ABTB2: variants seen among roughly 807,000 people sequenced by gnomAD.
ABTB2 encodes ankyrin repeat and BTB domain containing 2.
In ABTB2, 56 loss-of-function variants were observed where a neutral mutation model predicts 104.1. The ratio of observed to expected loss-of-function variants is 0.54; its 90% confidence interval spans 0.43 to 0.67. The LOEUF (loss-of-function observed/expected upper bound fraction) is 0.67. Ranked by LOEUF, ABTB2 falls within the 30% of genes least tolerant of loss-of-function variation. The probability of loss-of-function intolerance (pLI) is 0.00; values close to 1 mark genes in which losing one functional copy is unlikely to be tolerated. For synonymous variants in ABTB2, 606 were observed against 608.2 expected, an observed-to-expected ratio of 1.00 and a Z score of 0.05; for missense variants, 1,279 against 1,407.7, an observed-to-expected ratio of 0.91 and a Z score of 1.46.
rs1852537222 is a variant in ABTB2 at position 34,151,462 on chromosome 11, C to G, written c.*925G>C. Reference sequence around the variant, plus strand: ...ACAGTCCCCAGTGGGACCTGTTTGCCCAGCTCTCAATCCTACATTAAAGGA... The same window carrying G: ...ACAGTCCCCAGTGGGACCTGTTTGCGCAGCTCTCAATCCTACATTAAAGGA... On this transcript the variant is annotated 3_prime_UTR_variant, in exon 17 of 17. Coordinates refer to ENST00000435224, the MANE Select transcript of ABTB2 (RefSeq NM_145804.3). 1 of 152,242 alleles carries G rather than the reference C, an allele frequency of 6.6e-6. No homozygotes were observed. Among genetic ancestry groups the G allele is most frequent in the Non-Finnish European group, 1.5e-5 (1 of 68,054 alleles). The allele number at this position is 152,242 out of a possible 1,614,324, so 9.4% of individuals were successfully genotyped here.
chr11:34,266,176 G>A (rs1257783438), intron 1 of ABTB2, among the ~76,000 whole-genome samples: 1 of 152,150 alleles, frequency 6.6e-6, no homozygotes, highest in Non-Finnish European at 1.5e-5. Flanking sequence ...TCAAACTCCT[G>A]CACTCAAGCA....
intron 1 of ABTB2, among the ~76,000 whole-genome samples, chr11:34,304,272 G>C (rs1440890886): frequency 6.6e-6 from 1 of 152,154 alleles, no homozygotes; most frequent in East Asian, 1.9e-4. Flanking sequence ...TATTCTTTTT[G>C]TCTTTATTTT....
rs1285900964 is a variant in ABTB2, at chr11:34,165,465, C to G, written c.1756-109G>C. ...CCTTTGCTTCTCTCCAGGCATGTGA[C>G]CAAGACACAGTTCACCCCAGCAGCT... On this transcript the variant is annotated intron_variant, in intron 7 of 16. Coordinates refer to ENST00000435224, the MANE Select transcript of ABTB2 (RefSeq NM_145804.3). 5 of 833,342 alleles carry G rather than the reference C, an allele frequency of 6.0e-6. No homozygotes were observed. In the South Asian group the frequency reaches 8.8e-5, roughly 15 times the overall value. 51.6% of individuals were successfully genotyped at this position (833,342 alleles called of 1,614,324 possible). A position where few individuals can be genotyped will look rare whatever the true frequency, so the allele number is the denominator to read the frequency against.
chr11:34,209,360 T>TC lies in ABTB2; in HGVS notation c.884-4671_884-4670insG, dbSNP rs1853447924. Among the ~76,000 whole-genome samples the TC allele has an allele frequency of 2.7e-5, 4 of 149,850 alleles. No homozygotes were observed. In the South Asian group the frequency reaches 8.5e-4, roughly 32 times the overall value. On this transcript the variant is annotated intron_variant, in intron 1 of 16. Transcript: ENST00000435224. ...CTGTCTCCAAAAAAAAACTTTTTTT[T>TC]TCCCCCAGAAAAGAGAATAGATAAC...
At chr11:34,180,614 A>T (rs1037095665) in intron 3 of ABTB2, among the ~76,000 whole-genome samples, 2 of 152,262 alleles carry the variant, frequency 1.3e-5, no homozygotes, top group Non-Finnish European at 1.5e-5. Context: ...GGGTCTTTTT[A>T]TATGAGAAGC....
rs183792879 is a variant in ABTB2, at chr11:34,322,231, G to C, written c.883+34470C>G. On this transcript the variant is annotated intron_variant, in intron 1 of 16. Transcript: ENST00000435224. ...TAACTAGATGCAATACACAGACCTT[G>C]TTTAGAATCTGATTCAAACTAATTT... Among the ~76,000 whole-genome samples the C allele has an allele frequency of 3.9e-5, 6 of 152,288 alleles. No individual in the cohort carries two copies. The East Asian group carries it at 1.2e-3, about 29-fold the overall frequency.
intron 1 of ABTB2, among the ~76,000 whole-genome samples, chr11:34,349,216 G>T (rs779838724): frequency 3.3e-5 from 5 of 152,166 alleles, no homozygotes; most frequent in Non-Finnish European, 5.9e-5. Flanking sequence ...CACAAGCAGG[G>T]TCCAATATCC....
chr11:34,284,157 G>T (rs1243450912), intron 1 of ABTB2, among the ~76,000 whole-genome samples: 6 of 152,234 alleles, frequency 3.9e-5, no homozygotes, highest in Non-Finnish European at 1.5e-5. Context: ...GGGCTGTAAG[G>T]CCCAATCCAT....
At chr11:34,210,906 G>A (rs754027907) in intron 1 of ABTB2, among the ~76,000 whole-genome samples, 4 of 152,044 alleles carry the variant, frequency 2.6e-5, no homozygotes, top group African/African-American at 7.2e-5. Context: ...CCCACTGAAC[G>A]GTTTCCAAAT....
intron 1 of ABTB2, among the ~76,000 whole-genome samples, chr11:34,265,697 G>A (rs1365892442): frequency 6.9e-6 from 1 of 144,812 alleles, no homozygotes; most frequent in African/African-American, 2.6e-5. Context: ...AGCCGGGCAC[G>A]GTGGCTCATG....
At chr11:34,306,790 T>C (rs1240901381) in intron 1 of ABTB2, among the ~76,000 whole-genome samples, 1 of 151,850 alleles carries the variant, frequency 6.6e-6, no homozygotes, top group Non-Finnish European at 1.5e-5. Flanking sequence ...TTAGTTATCT[T>C]TTCCTTTTTA....
At chr11:34,167,169 C>A (rs970147193) in intron 7 of ABTB2, 90 bp downstream of exon 7, 1 of 1,235,966 alleles carries the variant, frequency 8.1e-7, no homozygotes, top group African/African-American at 1.5e-5. Flanking sequence ...ATTCAGGGCA[C>A]CTGCCCACTC....
At chr11:34,279,034 A>G (rs1854418661) in intron 1 of ABTB2, among the ~76,000 whole-genome samples, 1 of 152,222 alleles carries the variant, frequency 6.6e-6, no homozygotes, top group South Asian at 2.1e-4. Flanking sequence ...CATGGGTATA[A>G]TGTGTCTGCA....
At chr11:34,175,974 C>T (rs1176386707) in intron 3 of ABTB2, among the ~76,000 whole-genome samples, 2 of 152,142 alleles carry the variant, frequency 1.3e-5, no homozygotes, top group African/African-American at 4.8e-5. Flanking sequence ...CAGATTCTCT[C>T]TCCCCACCCC....
intron 1 of ABTB2, among the ~76,000 whole-genome samples, chr11:34,227,796 A>G (rs962139873): frequency 6.6e-6 from 1 of 150,714 alleles, no homozygotes; most frequent in African/African-American, 2.4e-5. Flanking sequence ...GTGCAATGGC[A>G]TGATCTTGGC....
intron 13 of ABTB2, 74 bp from the exon 14 acceptor site, chr11:34,159,460 G>C: frequency 2.1e-6 from 2 of 955,616 alleles, no homozygotes; most frequent in Non-Finnish European, 3.4e-6. Context: ...GGCACCATCT[G>C]TCACCTGACC....
At chr11:34,294,440 G>T (rs931625374) in intron 1 of ABTB2, among the ~76,000 whole-genome samples, 6 of 152,210 alleles carry the variant, frequency 3.9e-5, no homozygotes, top group Non-Finnish European at 5.9e-5. Context: ...GTGGAGATGA[G>T]ACCTTGATTG....
chr11:34,301,969 AG>A (rs1375126377), intron 1 of ABTB2, among the ~76,000 whole-genome samples: 1 of 152,256 alleles, frequency 6.6e-6, no homozygotes, highest in Non-Finnish European at 1.5e-5. Context: ...CCTGGGCAAC[AG>A]AGTGAGACCC....
chr11:34,322,515 C>T (rs1237226953), intron 1 of ABTB2, among the ~76,000 whole-genome samples: 1 of 152,056 alleles, frequency 6.6e-6, no homozygotes, highest in African/African-American at 2.4e-5. Flanking sequence ...GTGGAAGTTG[C>T]AGTGAACTGA....
Sources: gnomAD v4.1 joint callset for allele counts (sites outside exome capture counted in the v4.1 genomes callset) on GRCh38, gnomAD v4.1.1 for gene constraint, MANE v1.5 for transcripts, NCBI Gene and HGNC (gene_info 2026-07-23, HGNC 2026-07-21) for gene names.